The following RANBP17 variants were observed in gnomAD, a reference collection of about 807,000 sequenced individuals.
RANBP17 encodes RAN binding protein 17.
A neutral mutation model predicts 141.2 loss-of-function variants in RANBP17; 158 were observed. The observed-to-expected ratio is 1.12, with a 90% CI of 0.98 to 1.28. The LOEUF is 1.28. RANBP17 is among the 50% of genes most tolerant of loss of function. RANBP17 has a pLI of 0.00. For missense variants in RANBP17, 1,438 were observed against 1,290.7 expected (o/e 1.11, Z -1.75); for synonymous variants, 430 against 450.0 (o/e 0.96, Z 0.56).
chr5:171,125,792 A>AT (rs1214235593), intron 14 of RANBP17, among the ~76,000 whole-genome samples: 3,072 of 145,328 alleles, frequency 0.021, 28 homozygotes, highest in Middle Eastern at 0.029. Flanking sequence ...ATCTCAGTAA[A>AT]TTTTTTTTTT....
chr5:171,084,332 G>C (rs1785485136), intron 14 of RANBP17, among the ~76,000 whole-genome samples: 1 of 143,630 alleles, frequency 7.0e-6, no homozygotes, highest in African/African-American at 2.6e-5. Flanking sequence ...TGGTGTATAT[G>C]TGCCACATTT....
intron 1 of RANBP17, among the ~76,000 whole-genome samples, chr5:170,874,413 A>G (rs1014252571): frequency 6.6e-6 from 1 of 152,024 alleles, no homozygotes; most frequent in Non-Finnish European, 1.5e-5. Context: ...TGATCTACCT[A>G]ATTTTGACAG....
chr5:170,950,964 G>T (rs1014489547), intron 12 of RANBP17, among the ~76,000 whole-genome samples: 2 of 152,012 alleles, frequency 1.3e-5, no homozygotes, highest in African/African-American at 2.4e-5. Context: ...AATAAGCCTG[G>T]CACGGAAAGA....
At chr5:170,958,077 A>G (rs956424408) in intron 13 of RANBP17, among the ~76,000 whole-genome samples, 1 of 91,670 alleles carries the variant, frequency 1.1e-5, no homozygotes, top group Non-Finnish European at 2.7e-5. Context: ...GCTTGCTTTT[A>G]TAGGAATTTT....
intron 21 of RANBP17, among the ~76,000 whole-genome samples, chr5:171,220,113 T>C (rs1763461410): frequency 6.6e-6 from 1 of 152,150 alleles, no homozygotes; most frequent in Non-Finnish European, 1.5e-5. Context: ...TTGATGTTGT[T>C]GCTTTCTGTT....
At chr5:171,180,439 C>T (rs956465489) in intron 16 of RANBP17, among the ~76,000 whole-genome samples, 2 of 152,202 alleles carry the variant, frequency 1.3e-5, no homozygotes, top group Non-Finnish European at 2.9e-5. Flanking sequence ...ACTGTTACCA[C>T]CATTACCAGA....
At chr5:170,873,286 A>ACTG (rs1767908665) in intron 1 of RANBP17, among the ~76,000 whole-genome samples, 2 of 152,208 alleles carry the variant, frequency 1.3e-5, no homozygotes, top group Admixed American at 1.3e-4. Context: ...GATGTTCATC[A>ACTG]GGGATACTGG....
intron 14 of RANBP17, among the ~76,000 whole-genome samples, chr5:171,057,000 C>T (rs1046146375): frequency 1.3e-5 from 2 of 152,194 alleles, no homozygotes; most frequent in South Asian, 2.1e-4. Flanking sequence ...TTCACCTTTG[C>T]GTTAGTGCAC....
chr5:171,124,133 G>T (rs1032849556), intron 14 of RANBP17, among the ~76,000 whole-genome samples: 4 of 151,944 alleles, frequency 2.6e-5, no homozygotes, highest in African/African-American at 9.7e-5. Flanking sequence ...AACAATTCAT[G>T]ATCTCAATGA....
Position 171,259,580 on chromosome 5 carries a change from G to A in RANBP17, c.2777-6101G>A, listed in dbSNP as rs890415070. On this transcript the variant is annotated intron_variant, in intron 24 of 27. Coordinates refer to ENST00000523189, the MANE Select transcript of RANBP17 (RefSeq NM_022897.5). ...AATGTCTTCTGTAGCGACATGGATGGAACTGGAGAAGTGAAATAAACCAGG... is the reference window on the plus strand; with the variant it reads ...AATGTCTTCTGTAGCGACATGGATGAAACTGGAGAAGTGAAATAAACCAGG... Among the ~76,000 whole-genome samples the A allele has an allele frequency of 2.0e-5, 3 of 152,228 alleles. No individual in the cohort carries two copies. The East Asian group carries it at 5.8e-4, about 29-fold the overall frequency.
At chr5:171,065,462 A>T (rs1020694214) in intron 14 of RANBP17, among the ~76,000 whole-genome samples, 5 of 152,082 alleles carry the variant, frequency 3.3e-5, no homozygotes, top group Admixed American at 6.5e-5. Context: ...TGCTGACCTG[A>T]GAGGAGACGG....
chr5:171,171,876 T>G (rs1013011782), intron 16 of RANBP17, among the ~76,000 whole-genome samples: 1 of 151,980 alleles, frequency 6.6e-6, no homozygotes. Flanking sequence ...ATACATTAAA[T>G]GTTTAGATTT....
intron 3 of RANBP17, among the ~76,000 whole-genome samples, chr5:170,883,830 A>G (rs1768925927): frequency 6.6e-6 from 1 of 152,166 alleles, no homozygotes; most frequent in African/African-American, 2.4e-5. Flanking sequence ...GTCTGGGTAT[A>G]CCGCAGTTTA....
At chr5:171,091,081 A>T (rs975906618) in intron 14 of RANBP17, among the ~76,000 whole-genome samples, 1 of 152,208 alleles carries the variant, frequency 6.6e-6, no homozygotes, top group African/African-American at 2.4e-5. Flanking sequence ...AGAATGGTAG[A>T]ACCACCAACA....
intron 14 of RANBP17, among the ~76,000 whole-genome samples, chr5:171,163,300 G>A (rs1040317647): frequency 6.6e-6 from 1 of 152,194 alleles, no homozygotes; most frequent in Non-Finnish European, 1.5e-5. Context: ...CAGCAATGAT[G>A]TTTGTACCAT....
intron 25 of RANBP17, among the ~76,000 whole-genome samples, chr5:171,290,585 T>G (rs1334771241): frequency 3.9e-5 from 6 of 152,220 alleles, no homozygotes; most frequent in Admixed American, 3.9e-4. Flanking sequence ...TTATTTAGAA[T>G]TACAGGTTTT....
chr5:171,155,235 T>C (rs1318214535), intron 14 of RANBP17, among the ~76,000 whole-genome samples: 1 of 150,964 alleles, frequency 6.6e-6, no homozygotes, highest in African/African-American at 2.4e-5. Flanking sequence ...AGAATACAAT[T>C]AGCCTTCCCC....
intron 1 of RANBP17, among the ~76,000 whole-genome samples, chr5:170,864,679 G>A (rs1252724657): frequency 6.6e-6 from 1 of 152,172 alleles, no homozygotes; most frequent in South Asian, 2.1e-4. Context: ...TCGAGAGAAT[G>A]TTAGGAAAAA....
chr5:171,239,911 A>T (rs1465220832), intron 22 of RANBP17, among the ~76,000 whole-genome samples: 1 of 152,196 alleles, frequency 6.6e-6, no homozygotes, highest in African/African-American at 2.4e-5. Context: ...ACCTTTAAAA[A>T]GTCATGGCAG....
Sources: gnomAD v4.1 joint callset for allele counts (sites outside exome capture counted in the v4.1 genomes callset) on GRCh38, gnomAD v4.1.1 for gene constraint, MANE v1.5 for transcripts, NCBI Gene and HGNC (gene_info 2026-07-23, HGNC 2026-07-21) for gene names.